The following AGL variants were observed in gnomAD, a reference collection of about 807,000 sequenced individuals.
AGL encodes amylo-alpha-1,6-glucosidase and 4-alpha-glucanotransferase.
In AGL, 128 loss-of-function variants were observed where a neutral mutation model predicts 199.3. That is an observed-to-expected ratio of 0.64 (90% CI 0.56 to 0.74). The LOEUF (loss-of-function observed/expected upper bound fraction) is 0.74. AGL is among the 30% of genes least tolerant of loss of function. The pLI, the probability that AGL is intolerant of heterozygous loss-of-function variation, is 0.00. For synonymous variants in AGL, 584 were observed against 594.7 expected, an observed-to-expected ratio of 0.98 and a Z score of 0.26; for missense variants, 1,809 against 1,820.8, an observed-to-expected ratio of 0.99 and a Z score of 0.12.
At chr1:99,902,923 C>G (rs1165608828) in intron 27 of AGL, 129 bp downstream of exon 27, 2 of 698,450 alleles carry the variant, frequency 2.9e-6, no homozygotes, top group Non-Finnish European at 4.8e-6. Flanking sequence ...AACATAGTTC[C>G]TGATCTCACC....
intron 11 of AGL, among the ~76,000 whole-genome samples, chr1:99,877,213 C>T (rs115095219): frequency 0.013 from 2,020 of 152,074 alleles, 50 homozygotes; most frequent in African/African-American, 0.046. Flanking sequence ...AGTATCTCTG[C>T]CCTCTTTTTT....
At position 99,870,876 on chromosome 1, in the gene AGL, G is replaced by T; in HGVS notation, c.958+7G>T. 1 of 1,489,082 alleles carries T rather than the reference G, an allele frequency of 6.7e-7. No individual in the cohort carries two copies. The highest frequency in any genetic ancestry group is 9.4e-7 in the Non-Finnish European group (1 of 1,067,222). The allele number at this position is 1,489,082 out of a possible 1,614,324, so 92.2% of individuals were successfully genotyped here. On this transcript the variant is annotated splice_region_variant and intron_variant, in intron 7 of 33. Transcript: ENST00000361915. ...AGAAGACTTCTTACACAAGGTAAAG[G>T]ATACATACTAGAATGTTCCTATCGA...
At chr1:99,907,686 G>GGTTTTTGTTTTTTT (rs1654405237) in intron 27 of AGL, among the ~76,000 whole-genome samples, 6 of 59,846 alleles carry the variant, frequency 1.0e-4, no homozygotes, top group African/African-American at 5.7e-5. Context: ...GTTTGTTTTT[G>GGTTTTTGTTTTTTT]TTTTTTGTTT....
At chr1:99,882,794 A>G (rs980462070) in intron 17 of AGL, among the ~76,000 whole-genome samples, 10 of 152,208 alleles carry the variant, frequency 6.6e-5, no homozygotes, top group African/African-American at 2.2e-4. Flanking sequence ...TTGTTGATTG[A>G]TTGACCAAAT....
At chr1:99,889,290 A>G (rs960567981) in intron 21 of AGL, among the ~76,000 whole-genome samples, 2 of 152,236 alleles carry the variant, frequency 1.3e-5, no homozygotes, top group Non-Finnish European at 2.9e-5. Flanking sequence ...TTTAGCTTTT[A>G]TACTTTCTGC....
chr1:99,874,630 A>C (rs1651340153), intron 7 of AGL, 57 bp from the exon 8 acceptor site: 1 of 1,511,858 alleles, frequency 6.6e-7, no homozygotes, highest in South Asian at 1.2e-5. Flanking sequence ...AAATAGTGAC[A>C]GTTATAATCT....
chr1:99,851,009 C>T lies in AGL; in HGVS notation c.-34C>T, dbSNP rs1356103407. 5.2e-6 allele frequency: 8 copies of T among 1,552,872 alleles called. No homozygotes were observed. Among genetic ancestry groups the T allele is most frequent in the Non-Finnish European group, 7.1e-6 (8 of 1,124,536 alleles). On this transcript the variant is annotated 5_prime_UTR_variant, in exon 2 of 34. Transcript: ENST00000361915. ...ATTCGACTGTGGAGTTCTTTTAATT[C>T]TTATGAAAGATTTCAAATCCTCTAG...
chr1:99,907,693 G>GTTTTTGTTTTTTT (rs1553191714), intron 27 of AGL, among the ~76,000 whole-genome samples: 2 of 118,944 alleles, frequency 1.7e-5, no homozygotes, highest in African/African-American at 6.0e-5. Flanking sequence ...TTTGTTTTTT[G>GTTTTTGTTTTTTT]TTTTTTTTGC....
chr1:99,863,210 T>A (rs1650214058), intron 4 of AGL, among the ~76,000 whole-genome samples: 1 of 152,054 alleles, frequency 6.6e-6, no homozygotes, highest in African/African-American at 2.4e-5. Flanking sequence ...AGTGCTGGGA[T>A]TATAGGCATG....
At position 99,880,047 on chromosome 1, in the gene AGL, G is replaced by T. The variant is rs199922945; in HGVS notation, c.1735+1G>T. ...CTGGGCATTAGTTCCTTAATAAGAG[G>T]TAGGCTTGTTGGAGTGTATTTCCCT... On this transcript the variant is annotated splice_donor_variant, in intron 13 of 33. Coordinates refer to ENST00000361915, the MANE Select transcript of AGL (RefSeq NM_000642.3). LOFTEE classifies it high-confidence loss of function. The T allele has an allele frequency of 5.6e-6, 9 of 1,613,308 alleles. No homozygotes were observed. In the East Asian group the frequency reaches 1.6e-4, roughly 28 times the overall value.
At chr1:99,919,434 A>G (rs1655363766) in intron 33 of AGL, among the ~76,000 whole-genome samples, 2 of 151,632 alleles carry the variant, frequency 1.3e-5, no homozygotes, top group African/African-American at 2.4e-5. Context: ...CACTTTCACT[A>G]CCCCAGCCTG....
At position 99,870,852 on chromosome 1, in the gene AGL, G is replaced by A. The variant is rs2101113628; in HGVS notation, c.941G>A (p.Arg314Lys). 1 of 1,597,430 alleles carries A rather than the reference G, an allele frequency of 6.3e-7. No individual in the cohort carries two copies. The change falls in exon 7 of 34, where the codon AGA becomes AAA. Residue 314 changes from arginine (R) to lysine (K), a missense_variant. Physicochemically the swap from Arg to Lys is conservative, Grantham distance 26. Transcript: ENST00000361915. ...VDVNKAVEQF[R>K]RLLTQENRRV... Reference sequence around the variant, plus strand: ...GTCAACAAAGCGGTTGAGCAATTTAGAAGACTTCTTACACAAGGTAAAGGA... The same window carrying A: ...GTCAACAAAGCGGTTGAGCAATTTAAAAGACTTCTTACACAAGGTAAAGGA...
intron 25 of AGL, among the ~76,000 whole-genome samples, chr1:99,900,070 C>T (rs987051641): frequency 6.6e-6 from 1 of 151,952 alleles, no homozygotes; most frequent in Non-Finnish European, 1.5e-5. Flanking sequence ...GCTGGGACTA[C>T]AGGCACGCAC....
rs186061919 is a variant in AGL, at chr1:99,911,563, C to T, written c.3836+716C>T. Among the ~76,000 whole-genome samples the T allele has an allele frequency of 1.3e-3, 203 of 152,308 alleles. 1 individual carries two copies. The highest frequency in any genetic ancestry group is 4.8e-3 in the African/African-American group (199 of 41,572). ...ATTCAAGCAATTCTCCTGTCTCAGC[C>T]TCCCAAGTACCTGGGGACTACAGGC... On this transcript the variant is annotated intron_variant, in intron 28 of 33. Coordinates refer to ENST00000361915, the MANE Select transcript of AGL (RefSeq NM_000642.3).
chr1:99,907,389 A>G (rs967519417), intron 27 of AGL, among the ~76,000 whole-genome samples: 4 of 152,030 alleles, frequency 2.6e-5, no homozygotes, highest in African/African-American at 9.7e-5. Flanking sequence ...CCTTTTGGCT[A>G]TTGGGAATAA....
chr1:99,889,124 G>A (rs908465205), intron 21 of AGL, among the ~76,000 whole-genome samples: 1 of 152,044 alleles, frequency 6.6e-6, no homozygotes, highest in African/African-American at 2.4e-5. Flanking sequence ...CAGGGATTAT[G>A]GTTAGGATTA....
rs377568539 is a variant in AGL, at chr1:99,915,345, C to G, written c.4162-44C>G. 88 of 1,466,028 alleles carry G rather than the reference C, an allele frequency of 6.0e-5. No individual in the cohort carries two copies. The African/African-American group carries it at 1.0e-3, about 17-fold the overall frequency. The allele number at this position is 1,466,028 out of a possible 1,614,324, so 90.8% of individuals were successfully genotyped here. A position where few individuals can be genotyped will look rare whatever the true frequency, so the allele number is the denominator to read the frequency against. ...TTTCTGTGGGTAGGAACTAATTCTT[C>G]TGTGATCTTAAAAATTTGTATATTT... On this transcript the variant is annotated intron_variant, in intron 30 of 33. Transcript: ENST00000361915.
At chr1:99,857,377 G>A (rs1270886289) in intron 2 of AGL, among the ~76,000 whole-genome samples, 5 of 152,054 alleles carry the variant, frequency 3.3e-5, no homozygotes, top group South Asian at 2.1e-4. Flanking sequence ...AAGGGTGGCC[G>A]GGCAGAGACG....
chr1:99,919,232 T>C (rs1171259489), intron 33 of AGL, among the ~76,000 whole-genome samples: 5 of 152,202 alleles, frequency 3.3e-5, no homozygotes, highest in Non-Finnish European at 2.9e-5. Context: ...GGTATGGTAA[T>C]CATAGGGTTT....
Sources: gnomAD v4.1 joint callset for allele counts (sites outside exome capture counted in the v4.1 genomes callset) on GRCh38, gnomAD v4.1.1 for gene constraint, MANE v1.5 for transcripts, NCBI Gene and HGNC (gene_info 2026-07-23, HGNC 2026-07-21) for gene names.